The following ADAMTSL1 variants were observed in gnomAD, a reference collection of about 807,000 sequenced individuals.
ADAMTSL1 encodes ADAMTS-like protein 1.
In ADAMTSL1, 126 loss-of-function variants were observed where a neutral mutation model predicts 201.8. That is an observed-to-expected ratio of 0.62 (90% CI 0.54 to 0.72). The LOEUF (loss-of-function observed/expected upper bound fraction) is 0.72. ADAMTSL1 is among the 30% of genes least tolerant of loss of function. ADAMTSL1 has a pLI of 0.00. For synonymous variants in ADAMTSL1, 1,121 were observed against 903.4 expected, an observed-to-expected ratio of 1.24 and a Z score of -4.32; for missense variants, 2,679 against 2,277.8, an observed-to-expected ratio of 1.18 and a Z score of -3.59.
At chr9:18,709,859 G>T (rs1243623084) in intron 14 of ADAMTSL1, among the ~76,000 whole-genome samples, 1 of 152,204 alleles carries the variant, frequency 6.6e-6, no homozygotes, top group South Asian at 2.1e-4. Flanking sequence ...CAGCAAAAAT[G>T]GAAGATGAAG....
chr9:18,211,222 T>TG (rs1337312600), intron 2 of ADAMTSL1, among the ~76,000 whole-genome samples: 1 of 152,190 alleles, frequency 6.6e-6, no homozygotes, highest in Non-Finnish European at 1.5e-5. Flanking sequence ...TGGTTTTAAC[T>TG]TTTTAACTCC....
chr9:18,579,253 C>T (rs1256339481), intron 4 of ADAMTSL1, among the ~76,000 whole-genome samples: 2 of 148,684 alleles, frequency 1.3e-5, no homozygotes, highest in African/African-American at 5.0e-5. Context: ...GAACAAAAAA[C>T]CAAACGCCGC....
rs138806972 is a variant in ADAMTSL1 at position 18,395,025 on chromosome 9, C to T, written c.208-109804C>T. On this transcript the variant is annotated intron_variant, in intron 2 of 29. Transcript: ENST00000680146. The stretch of plus-strand genomic sequence containing the variant: ...CCTTGGTTTAAGCAATTCTCTTTAC[C>T]TTTTTGTCTGAGATTTGATGTCCCA... 2.6e-3 allele frequency among the ~76,000 whole-genome samples: 388 copies of T among 152,122 alleles called. 1 individual carries two copies. The highest frequency in any genetic ancestry group is 9.0e-3 in the African/African-American group (374 of 41,508).
At chr9:18,198,294 A>G (rs1485143147) in intron 2 of ADAMTSL1, among the ~76,000 whole-genome samples, 1 of 150,104 alleles carries the variant, frequency 6.7e-6, no homozygotes, top group Admixed American at 6.6e-5. Flanking sequence ...TGCACAGCAA[A>G]AGAAACTACC....
intron 15 of ADAMTSL1, among the ~76,000 whole-genome samples, chr9:18,746,566 A>C (rs1311734438): frequency 6.6e-6 from 1 of 152,186 alleles, no homozygotes; most frequent in Non-Finnish European, 1.5e-5. Context: ...TTTCTGACTA[A>C]AGAAAAACTT....
chr9:18,329,327 A>G (rs540844799), intron 2 of ADAMTSL1, among the ~76,000 whole-genome samples: 2 of 152,288 alleles, frequency 1.3e-5, no homozygotes, highest in African/African-American at 4.8e-5. Context: ...TGTAATACAC[A>G]TTAGCCTAAA....
chr9:18,612,530 T>C (rs1165909768), intron 4 of ADAMTSL1, among the ~76,000 whole-genome samples: 1 of 152,086 alleles, frequency 6.6e-6, no homozygotes, highest in Non-Finnish European at 1.5e-5. Flanking sequence ...GAAATACGCT[T>C]AATAAATATC....
At chr9:18,463,981 A>T (rs1414315945) in intron 2 of ADAMTSL1, among the ~76,000 whole-genome samples, 1 of 152,186 alleles carries the variant, frequency 6.6e-6, no homozygotes, top group Admixed American at 6.5e-5. Context: ...TTAGACTCCT[A>T]TTATGTGCCA....
intron 4 of ADAMTSL1, among the ~76,000 whole-genome samples, chr9:18,585,656 G>A (rs749621639): frequency 6.6e-6 from 1 of 152,038 alleles, no homozygotes; most frequent in Non-Finnish European, 1.5e-5. Flanking sequence ...AACAAAAAAA[G>A]AAAACTTCAG....
At chr9:18,251,923 A>G (rs1034827377) in intron 2 of ADAMTSL1, among the ~76,000 whole-genome samples, 1 of 152,206 alleles carries the variant, frequency 6.6e-6, no homozygotes, top group African/African-American at 2.4e-5. Context: ...ATGACTATCC[A>G]ACACAGGAAA....
intron 1 of ADAMTSL1, among the ~76,000 whole-genome samples, chr9:17,969,634 A>G (rs1818127107): frequency 6.6e-6 from 1 of 152,090 alleles, no homozygotes; most frequent in South Asian, 2.1e-4. Flanking sequence ...CTGAAGAAAT[A>G]TTTGAGCAGT....
chr9:18,655,130 A>C (rs1228007913), intron 7 of ADAMTSL1, among the ~76,000 whole-genome samples: 1 of 152,258 alleles, frequency 6.6e-6, no homozygotes, highest in Non-Finnish European at 1.5e-5. Flanking sequence ...GTGAAAAAGG[A>C]AAAGATGCTT....
intron 7 of ADAMTSL1, among the ~76,000 whole-genome samples, chr9:18,656,101 C>T (rs1376907349): frequency 6.6e-6 from 1 of 151,924 alleles, no homozygotes; most frequent in Non-Finnish European, 1.5e-5. Context: ...TTCTTTCCAC[C>T]CCTCTCAGAC....
In ADAMTSL1 at chr9:18,795,471, A is replaced by G. The variant is rs199839844; in HGVS notation, c.3752A>G (p.Asn1251Ser). The G allele has an allele frequency of 2.0e-4, 329 of 1,613,726 alleles. No homozygotes were observed. Among genetic ancestry groups the G allele is most frequent in the Non-Finnish European group, 2.6e-4 (310 of 1,179,838 alleles). The change falls in exon 20 of 29, where the codon AAT (asparagine) becomes AGT (serine). Residue 1251 changes from asparagine (N) to serine (S), a missense_variant. By Grantham distance (46) the Asn-to-Ser change is conservative. Transcript: ENST00000380548. ...GCAGATGTGGGTTTCTACACTTGCAATGCCACCAATGCCTTGGGATACGAC... is the reference window on the plus strand; with the variant it reads ...GCAGATGTGGGTTTCTACACTTGCAGTGCCACCAATGCCTTGGGATACGAC... ...VEADVGFYTC[N>S]ATNALGYDSV... is the part of the protein sequence containing the mutation.
intron 2 of ADAMTSL1, among the ~76,000 whole-genome samples, chr9:18,248,230 G>A (rs548380162): frequency 6.6e-6 from 1 of 152,290 alleles, no homozygotes; most frequent in South Asian, 2.1e-4. Context: ...AGTGCAACAT[G>A]AAAGCTATAA....
At chr9:18,330,378 C>G (rs778164644) in intron 2 of ADAMTSL1, among the ~76,000 whole-genome samples, 8 of 152,074 alleles carry the variant, frequency 5.3e-5, no homozygotes, top group African/African-American at 9.7e-5. Context: ...TGTAGCCACC[C>G]CCTACAGTGA....
intron 2 of ADAMTSL1, among the ~76,000 whole-genome samples, chr9:18,390,558 G>A (rs1838002343): frequency 6.6e-6 from 1 of 152,228 alleles, no homozygotes; most frequent in Non-Finnish European, 1.5e-5. Flanking sequence ...CATCTGGAGT[G>A]CAGCTATTTT....
At chr9:18,604,661 A>G (rs932724668) in intron 4 of ADAMTSL1, among the ~76,000 whole-genome samples, 7 of 152,220 alleles carry the variant, frequency 4.6e-5, no homozygotes, top group Admixed American at 1.3e-4. Flanking sequence ...TTTGGCATCT[A>G]TGGACACTTG....
chr9:18,399,811 TC>T (rs1249384037), intron 2 of ADAMTSL1, among the ~76,000 whole-genome samples: 1 of 152,188 alleles, frequency 6.6e-6, no homozygotes, highest in Non-Finnish European at 1.5e-5. Context: ...AACCAGGGTT[TC>T]CTAGAGTTGC....
Sources: gnomAD v4.1 joint callset for allele counts (sites outside exome capture counted in the v4.1 genomes callset) on GRCh38, gnomAD v4.1.1 for gene constraint, MANE v1.5 for transcripts, NCBI Gene and HGNC (gene_info 2026-07-23, HGNC 2026-07-21) for gene names.